GRIN2A: variants seen among roughly 807,000 people sequenced by gnomAD.
GRIN2A encodes the protein glutamate receptor ionotropic, NMDA 2A.
Under a neutral mutation model 113.4 loss-of-function variants are expected in GRIN2A, and 22 were observed. The observed-to-expected ratio is 0.19, with a 90% CI of 0.14 to 0.28. The LOEUF is 0.28. Ranked by LOEUF, GRIN2A falls within the 10% of genes least tolerant of loss-of-function variation. GRIN2A has a pLI of 1.00. For missense variants in GRIN2A, 1,502 were observed against 1,887.0 expected, an observed-to-expected ratio of 0.80 and a Z score of 3.78; for synonymous variants, 827 against 738.4, an observed-to-expected ratio of 1.12 and a Z score of -1.94.
chr16:10,172,355 TAGG>T (rs1272942843), intron 2 of GRIN2A, among the ~76,000 whole-genome samples: 2 of 152,204 alleles, frequency 1.3e-5, no homozygotes, highest in East Asian at 1.9e-4. Flanking sequence ...CCAGGTGTTA[TAGG>T]AGATTAATGA....
At chr16:9,773,672 C>G (rs1901422954) in intron 11 of GRIN2A, among the ~76,000 whole-genome samples, 1 of 152,196 alleles carries the variant, frequency 6.6e-6, no homozygotes. Context: ...GTGTTTCCAC[C>G]TCCTCCAGTG....
intron 2 of GRIN2A, among the ~76,000 whole-genome samples, chr16:10,119,279 T>C (rs2048787082): frequency 6.6e-6 from 1 of 152,246 alleles, no homozygotes; most frequent in Non-Finnish European, 1.5e-5. Context: ...AACCTCAGGT[T>C]AGATCCTCAT....
chr16:10,100,045 G>C (rs1344963132), intron 2 of GRIN2A, among the ~76,000 whole-genome samples: 2 of 152,158 alleles, frequency 1.3e-5, no homozygotes, highest in Non-Finnish European at 2.9e-5. Context: ...AGTATCAGCA[G>C]AATGAACAGC....
At chr16:9,852,282 G>A (rs2042897602) in intron 4 of GRIN2A, among the ~76,000 whole-genome samples, 4 of 152,078 alleles carry the variant, frequency 2.6e-5, no homozygotes, top group Admixed American at 2.6e-4. Flanking sequence ...GTGTTTCTGT[G>A]AATTGAGCTA....
chr16:10,041,545 C>T (rs944737660), intron 2 of GRIN2A, among the ~76,000 whole-genome samples: 1 of 152,146 alleles, frequency 6.6e-6, no homozygotes, highest in Non-Finnish European at 1.5e-5. Flanking sequence ...GGTAAGGGCT[C>T]TGAGTGGGGC....
chr16:10,038,581 C>T (rs555128496), intron 2 of GRIN2A, among the ~76,000 whole-genome samples: 4 of 152,134 alleles, frequency 2.6e-5, no homozygotes, highest in African/African-American at 7.2e-5. Context: ...CGGTGGCTCA[C>T]GCCTGTAATC....
rs577420255 is a variant in GRIN2A, at chr16:10,162,588, G to A, written c.414+17410C>T. On this transcript the variant is annotated intron_variant, in intron 2 of 12. Coordinates refer to ENST00000330684, the MANE Select transcript of GRIN2A (RefSeq NM_001134407.3). ...TCTTCACATGGTCCTCCCTTTGTGT[G>A]TTTATGTTGTGTCTTAATTTCCTGT... 6.6e-5 allele frequency among the ~76,000 whole-genome samples: 10 copies of A among 152,284 alleles called. No homozygotes were observed. The South Asian group carries it at 2.1e-3, about 32-fold the overall frequency.
intron 2 of GRIN2A, among the ~76,000 whole-genome samples, chr16:10,047,986 G>T (rs996360052): frequency 7.9e-5 from 12 of 152,026 alleles, no homozygotes; most frequent in Non-Finnish European, 1.8e-4. Context: ...CCCCCTACAT[G>T]TCCCAGATAA....
At position 10,036,437 on chromosome 16, in the gene GRIN2A, CTTTTTTTTTTTCTTTTTTTTTTTTT is replaced by C. The variant is rs1213580342; in HGVS notation, c.415-97911_415-97887del. On this transcript the variant is annotated intron_variant, in intron 2 of 12. Coordinates refer to ENST00000330684, the MANE Select transcript of GRIN2A (RefSeq NM_001134407.3). ...GCCATAATAAAAATATTAGTACTTACTTTTTTTTTTTCTTTTTTTTTTTTTTTTTTTTTTTTTTTGAGATGGATTC... is the reference window on the plus strand; with the variant it reads ...GCCATAATAAAAATATTAGTACTTACTTTTTTTTTTTTTTGAGATGGATTC... Among the ~76,000 whole-genome samples, 27 of 92,666 alleles carry C rather than the reference CTTTTTTTTTTTCTTTTTTTTTTTTT, an allele frequency of 2.9e-4. 1 individual carries two copies. Among genetic ancestry groups the C allele is most frequent in the Middle Eastern group, 6.0e-3 (1 of 168 alleles). 60.8% of individuals were successfully genotyped at this position (92,666 alleles called of 152,430 possible). A position where few individuals can be genotyped will look rare whatever the true frequency, so the allele number is the denominator to read the frequency against.
intron 2 of GRIN2A, among the ~76,000 whole-genome samples, chr16:9,998,047 C>A (rs1316351777): frequency 6.6e-6 from 1 of 152,198 alleles, no homozygotes; most frequent in East Asian, 1.9e-4. Context: ...CACCTCATTC[C>A]ATAACTTTTT....
chr16:10,095,770 A>G (rs1596500171), intron 2 of GRIN2A, among the ~76,000 whole-genome samples: 1 of 152,176 alleles, frequency 6.6e-6, no homozygotes, highest in African/African-American at 2.4e-5. Context: ...TACCTTAACC[A>G]CGGAGTCAAA....
chr16:9,899,644 A>G (rs1430040516), intron 3 of GRIN2A, among the ~76,000 whole-genome samples: 1 of 152,102 alleles, frequency 6.6e-6, no homozygotes, highest in East Asian at 1.9e-4. Context: ...GTCTTGGCTG[A>G]GCAATACTGA....
At chr16:10,179,901 ATC>A in intron 2 of GRIN2A, 95 bp downstream of exon 2, 2 of 769,426 alleles carry the variant, frequency 2.6e-6, no homozygotes, top group East Asian at 6.7e-5. Flanking sequence ...CCCACTTCAC[ATC>A]AAGACAGATT....
At chr16:10,025,892 G>C (rs377151489) in intron 2 of GRIN2A, among the ~76,000 whole-genome samples, 1 of 152,314 alleles carries the variant, frequency 6.6e-6, no homozygotes, top group African/African-American at 2.4e-5. Flanking sequence ...ATGTATCCGA[G>C]GCAGTGGAAG....
chr16:9,843,176 G>A (rs1417557672), intron 5 of GRIN2A, among the ~76,000 whole-genome samples: 1 of 151,948 alleles, frequency 6.6e-6, no homozygotes, highest in African/African-American at 2.4e-5. Flanking sequence ...TGAAAAACAT[G>A]TTTTCTTTTT....
intron 2 of GRIN2A, among the ~76,000 whole-genome samples, chr16:10,106,984 T>C (rs1477682404): frequency 6.6e-6 from 1 of 152,314 alleles, no homozygotes; most frequent in Non-Finnish European, 1.5e-5. Context: ...AGACATGATG[T>C]TCATCTCATA....
intron 2 of GRIN2A, among the ~76,000 whole-genome samples, chr16:9,947,238 CTCAT>C (rs1158256014): frequency 6.6e-6 from 1 of 152,118 alleles, no homozygotes; most frequent in African/African-American, 2.4e-5. Flanking sequence ...TTCATCTTTC[CTCAT>C]TGTTTTTTGT....
At chr16:9,878,564 T>A (rs1007154882) in intron 4 of GRIN2A, among the ~76,000 whole-genome samples, 1 of 152,178 alleles carries the variant, frequency 6.6e-6, no homozygotes, top group African/African-American at 2.4e-5. Flanking sequence ...ACTCAACTAA[T>A]GGTAGCTGCT....
intron 2 of GRIN2A, among the ~76,000 whole-genome samples, chr16:10,110,768 C>A (rs2048597546): frequency 6.6e-6 from 1 of 152,218 alleles, no homozygotes; most frequent in African/African-American, 2.4e-5. Flanking sequence ...CACAGCTCAA[C>A]ACAGATGATG....
Sources: gnomAD v4.1 joint callset for allele counts (sites outside exome capture counted in the v4.1 genomes callset) on GRCh38, gnomAD v4.1.1 for gene constraint, MANE v1.5 for transcripts, NCBI Gene and HGNC (gene_info 2026-07-23, HGNC 2026-07-21) for gene names.